CDH12: variants seen among roughly 807,000 people sequenced by gnomAD.
CDH12 encodes cadherin 12.
CDH12 carries 41 observed loss-of-function variants against 74.1 expected under a neutral mutation model. The observed-to-expected ratio is 0.55, with a 90% CI of 0.43 to 0.72. The LOEUF is 0.72. Among genes scored for constraint, CDH12 ranks in the 30% least tolerant of loss-of-function variants. The probability of loss-of-function intolerance (pLI) is 0.00; values close to 1 mark genes in which losing one functional copy is unlikely to be tolerated. For missense variants in CDH12, 945 were observed against 977.2 expected (o/e 0.97, Z 0.44); for synonymous variants, 399 against 355.0 (o/e 1.12, Z -1.39).
intron 3 of CDH12, among the ~76,000 whole-genome samples, chr5:22,303,627 T>C (rs1288392733): frequency 1.3e-5 from 2 of 152,144 alleles, no homozygotes; most frequent in Non-Finnish European, 2.9e-5. Context: ...ATTTAAGCAA[T>C]GAAATAAACT....
At chr5:22,714,859 G>T (rs183472865) in intron 1 of CDH12, among the ~76,000 whole-genome samples, 2 of 152,194 alleles carry the variant, frequency 1.3e-5, no homozygotes, top group Admixed American at 6.5e-5. Context: ...GTACTTTGTT[G>T]GTATTTTTTG....
intron 3 of CDH12, among the ~76,000 whole-genome samples, chr5:22,216,385 A>G (rs1290537977): frequency 6.6e-6 from 1 of 151,972 alleles, no homozygotes; most frequent in Non-Finnish European, 1.5e-5. Context: ...TTTCCCAAAT[A>G]TTAGTCTTAT....
intron 3 of CDH12, among the ~76,000 whole-genome samples, chr5:22,346,146 A>G (rs943691378): frequency 6.0e-5 from 9 of 151,014 alleles, no homozygotes; most frequent in Non-Finnish European, 8.8e-5. Flanking sequence ...ACTAGTTGTC[A>G]TGATTTTCTT....
intron 5 of CDH12, among the ~76,000 whole-genome samples, chr5:22,043,579 A>C (rs1396474630): frequency 2.0e-5 from 3 of 152,300 alleles, no homozygotes; most frequent in East Asian, 3.9e-4. Flanking sequence ...ACAGGACTGG[A>C]AGTCCTAGCC....
intron 1 of CDH12, among the ~76,000 whole-genome samples, chr5:22,842,151 A>G (rs1330379133): frequency 6.6e-6 from 1 of 152,140 alleles, no homozygotes; most frequent in Admixed American, 6.6e-5. Flanking sequence ...CGGAACCCCA[A>G]ATCAAATTCT....
At chr5:22,681,829 T>A (rs1246894267) in intron 1 of CDH12, among the ~76,000 whole-genome samples, 1 of 152,082 alleles carries the variant, frequency 6.6e-6, no homozygotes, top group Non-Finnish European at 1.5e-5. Context: ...TTGTTTTTGT[T>A]GAATTTTGTA....
chr5:22,777,615 T>G (rs1288262437), intron 1 of CDH12, among the ~76,000 whole-genome samples: 1 of 152,072 alleles, frequency 6.6e-6, no homozygotes, highest in Non-Finnish European at 1.5e-5. Flanking sequence ...TGTGTGTGTG[T>G]GCGCTTGTGT....
chr5:22,243,940 A>G (rs1391779440), intron 3 of CDH12, among the ~76,000 whole-genome samples: 1 of 152,206 alleles, frequency 6.6e-6, no homozygotes, highest in Non-Finnish European at 1.5e-5. Context: ...TATTTCAAAA[A>G]TGACTTCTAA....
At chr5:22,185,978 C>T (rs1285637796) in intron 4 of CDH12, among the ~76,000 whole-genome samples, 4 of 152,054 alleles carry the variant, frequency 2.6e-5, no homozygotes. Context: ...TTTGTGATTC[C>T]CAGAACATTC....
At position 22,385,672 on chromosome 5, in the gene CDH12, T is replaced by A. The variant is rs1006704527; in HGVS notation, c.-333+19585A>T. Among the ~76,000 whole-genome samples the A allele has an allele frequency of 8.5e-5, 13 of 152,180 alleles. No individual in the cohort carries two copies. The Middle Eastern group carries it at 0.01, about 119-fold the overall frequency. ...AGTTAACAAACCCAGACGGCCTGTATTTTTAGTCTGTTCTTGCACTGCTAT... is the reference window on the plus strand; with the variant it reads ...AGTTAACAAACCCAGACGGCCTGTAATTTTAGTCTGTTCTTGCACTGCTAT... On this transcript the variant is annotated intron_variant, in intron 3 of 14. Transcript: ENST00000382254.
intron 8 of CDH12, among the ~76,000 whole-genome samples, chr5:21,839,230 TTA>T (rs905803677): frequency 3.3e-5 from 5 of 152,188 alleles, no homozygotes; most frequent in African/African-American, 4.8e-5. Flanking sequence ...CTTTCTCCTT[TTA>T]TATCTCTTTT....
At position 22,301,861 on chromosome 5, in the gene CDH12, G is replaced by A. The variant is rs10059991; in HGVS notation, c.-332-89218C>T. On this transcript the variant is annotated intron_variant, in intron 3 of 14. Transcript: ENST00000382254. ...TTATTGTATTTTTGGTAGAGACAGA[G>A]TCTCACCATGTTGCCCAGGCTGCTC... Among the ~76,000 whole-genome samples, 770 of 151,540 alleles carry A rather than the reference G, an allele frequency of 5.1e-3. 9 individuals are homozygous for A. The highest frequency in any genetic ancestry group is 0.018 in the African/African-American group (729 of 41,310).
chr5:22,204,100 G>C (rs1455051286), intron 4 of CDH12, among the ~76,000 whole-genome samples: 2 of 151,842 alleles, frequency 1.3e-5, no homozygotes, highest in Non-Finnish European at 2.9e-5. Context: ...AATCTATAAG[G>C]AACTCAAACA....
intron 1 of CDH12, among the ~76,000 whole-genome samples, chr5:22,707,869 T>G (rs1224584328): frequency 6.6e-6 from 1 of 152,292 alleles, no homozygotes; most frequent in Middle Eastern, 3.4e-3. Flanking sequence ...CTTATGTGTA[T>G]GGCAGGCACT....
intron 5 of CDH12, among the ~76,000 whole-genome samples, chr5:22,020,018 A>G (rs1459402411): frequency 6.6e-6 from 1 of 152,220 alleles, no homozygotes; most frequent in Non-Finnish European, 1.5e-5. Flanking sequence ...GACGAAAAAA[A>G]TAAAAAAGCA....
At chr5:21,799,317 C>G (rs1746981093) in intron 10 of CDH12, among the ~76,000 whole-genome samples, 1 of 152,048 alleles carries the variant, frequency 6.6e-6, no homozygotes. Context: ...TTCCTCACAA[C>G]TGCTTGCAGT....
intron 6 of CDH12, among the ~76,000 whole-genome samples, chr5:21,861,777 ACTT>A (rs1229963746): frequency 6.6e-6 from 1 of 152,088 alleles, no homozygotes; most frequent in South Asian, 2.1e-4. Flanking sequence ...CAGAAATTGT[ACTT>A]CTTTACATTC....
chr5:21,782,800 A>C (rs1745985683), intron 11 of CDH12, among the ~76,000 whole-genome samples: 1 of 152,158 alleles, frequency 6.6e-6, no homozygotes, highest in African/African-American at 2.4e-5. Context: ...AACCAAGCAG[A>C]AACCAACTCA....
rs114270496 is a variant in CDH12 at position 21,865,543 on chromosome 5, C to T, written c.527-10753G>A. ...ATCCAGAGTGCCCTCCACAGACTCA[C>T]TGCTGAGAACTATCTAGGGACTCTG... On this transcript the variant is annotated intron_variant, in intron 6 of 14. Coordinates refer to ENST00000382254, the MANE Select transcript of CDH12 (RefSeq NM_004061.5). 3.7e-3 allele frequency among the ~76,000 whole-genome samples: 569 copies of T among 152,250 alleles called. 4 individuals are homozygous for T. Among genetic ancestry groups the T allele is most frequent in the African/African-American group, 0.013 (534 of 41,542 alleles).
Sources: gnomAD v4.1 joint callset for allele counts (sites outside exome capture counted in the v4.1 genomes callset) on GRCh38, gnomAD v4.1.1 for gene constraint, MANE v1.5 for transcripts, NCBI Gene and HGNC (gene_info 2026-07-23, HGNC 2026-07-21) for gene names.